Variants in KIR2DL3 observed in about 807,000 individuals in gnomAD.
The protein encoded by KIR2DL3 is killer cell immunoglobulin-like receptor 2DL3.
A neutral mutation model predicts 33.8 loss-of-function variants in KIR2DL3; 39 were observed. The observed-to-expected ratio is 1.15, with a 90% CI of 0.89 to 1.51. KIR2DL3 has a LOEUF of 1.51. KIR2DL3 is among the 40% of genes most tolerant of loss of function. The pLI, the probability that KIR2DL3 is intolerant of heterozygous loss-of-function variation, is 0.00. For missense variants in KIR2DL3, 462 were observed against 426.2 expected (o/e 1.08, Z -0.74); for synonymous variants, 174 against 160.2 (o/e 1.09, Z -0.65).
rs180895613 is a variant in KIR2DL3, at chr19:54,747,001, C to T, written c.665-334C>T. Among the ~76,000 whole-genome samples, 136 of 142,264 alleles carry T rather than the reference C, an allele frequency of 9.6e-4. 7 individuals carry two copies. Among genetic ancestry groups the T allele is most frequent in the African/African-American group, 3.4e-3 (131 of 38,504 alleles). 93.3% of individuals were successfully genotyped at this position (142,264 alleles called of 152,430 possible). ...CATCTCAAAAGAAAAAAGAAAAAAA[C>T]ATTGGAGGTAAATGCATGGATTATA... is the stretch of plus-strand genomic sequence containing the variant. On this transcript the variant is annotated intron_variant, in intron 4 of 7. Transcript: ENST00000342376.
intron 6 of KIR2DL3, 106 bp downstream of exon 6, chr19:54,751,859 G>A: frequency 2.0e-6 from 2 of 1,008,522 alleles, no homozygotes; most frequent in South Asian, 1.6e-5. Flanking sequence ...CCTGGCCCAA[G>A]GCAGCAGCCA....
rs1721130912 is a variant in KIR2DL3 at position 54,742,100 on chromosome 19, G to T, written c.191G>T (p.Gly64Val). ...RFQHFLLHRE[G>V]KFKDTLHLIG... Reference sequence around the variant, plus strand: ...CAGCACTTCCTTCTGCACAGAGAAGGGAAGTTTAAGGACACTTTGCACCTC... The same window carrying T: ...CAGCACTTCCTTCTGCACAGAGAAGTGAAGTTTAAGGACACTTTGCACCTC... Residue 64 changes from glycine (G) to valine (V), a missense_variant, in exon 3 of 8, where the codon GGG becomes GTG. Physicochemically the swap from Gly to Val is moderately radical, Grantham distance 109. Coordinates refer to ENST00000342376, the MANE Select transcript of KIR2DL3 (RefSeq NM_015868.3). 1.9e-6 allele frequency: 3 copies of T among 1,613,786 alleles called. No individual in the cohort carries two copies. The highest frequency in any genetic ancestry group is 2.7e-5 in the African/African-American group (2 of 74,916).
intron 4 of KIR2DL3, among the ~76,000 whole-genome samples, chr19:54,744,895 T>TATATATATATATATATATATATAC (rs2072064904): frequency 1.5e-5 from 1 of 64,604 alleles, no homozygotes; most frequent in Non-Finnish European, 3.3e-5. Context: ...TATATATATA[T>TATATATATATATATATATATATAC]ATACACACAC....
At chr19:54,748,098 A>G (rs1555913164) in intron 5 of KIR2DL3, among the ~76,000 whole-genome samples, 42,137 of 140,064 alleles carry the variant, frequency 0.3, 6,599 homozygotes, top group South Asian at 0.36. Flanking sequence ...CTTCTCACTT[A>G]TCCCAGCTTC....
At chr19:54,745,714 C>G (rs374494311) in intron 4 of KIR2DL3, among the ~76,000 whole-genome samples, 11 of 151,716 alleles carry the variant, frequency 7.3e-5, no homozygotes, top group Non-Finnish European at 8.8e-5. Flanking sequence ...AAAGGCTGTA[C>G]TAATTTACAC....
rs775051443 is a variant in KIR2DL3, at chr19:54,747,396, A to G, written c.715+11A>G. The stretch of plus-strand genomic sequence containing the variant: ...CAAGCTCCGAAACCGGTGAGTACAG[A>G]ACCCTCTTATATCCGCTTTTGGAAA... On this transcript the variant is annotated intron_variant, in intron 5 of 7. Coordinates refer to ENST00000342376, the MANE Select transcript of KIR2DL3 (RefSeq NM_015868.3). The G allele has an allele frequency of 5.8e-5, 93 of 1,610,026 alleles. No homozygotes were observed. The highest frequency in any genetic ancestry group is 6.6e-5 in the Non-Finnish European group (78 of 1,176,630).
intron 3 of KIR2DL3, 53 bp downstream of exon 3, chr19:54,742,332 A>T (rs2071328721): frequency 2.5e-6 from 4 of 1,598,304 alleles, no homozygotes; most frequent in Non-Finnish European, 3.4e-6. Flanking sequence ...TGAATGATCC[A>T]CGACTTGGAA....
chr19:54,744,417 T>C (rs977116876), intron 4 of KIR2DL3, among the ~76,000 whole-genome samples: 4 of 152,218 alleles, frequency 2.6e-5, no homozygotes, highest in Non-Finnish European at 2.9e-5. Flanking sequence ...AAGCCCATCC[T>C]GGCCTCTCAC....
chr19:54,738,539 C>G lies in KIR2DL3; in HGVS notation c.-7C>G. On this transcript the variant is annotated 5_prime_UTR_variant, in exon 1 of 8. Coordinates refer to ENST00000342376, the MANE Select transcript of KIR2DL3 (RefSeq NM_015868.3). Reference sequence around the variant, plus strand: ...GGGCGCGGCCGCCTGTCTGCACAGACAGCACCATGTCGCTCATGGTCGTCA... The same window carrying G: ...GGGCGCGGCCGCCTGTCTGCACAGAGAGCACCATGTCGCTCATGGTCGTCA... 2.5e-6 allele frequency: 4 copies of G among 1,614,196 alleles called. No individual in the cohort carries two copies. Among genetic ancestry groups the G allele is most frequent in the Middle Eastern group, 3.3e-4 (2 of 6,062 alleles).
At chr19:54,740,452 A>AC (rs1305309753) in intron 2 of KIR2DL3, among the ~76,000 whole-genome samples, 1 of 137,324 alleles carries the variant, frequency 7.3e-6, no homozygotes, top group Non-Finnish European at 1.6e-5. Flanking sequence ...GGGCCCTGTG[A>AC]CCCCCGCACA....
At chr19:54,747,440 T>A (rs1440723865) in intron 5 of KIR2DL3, 55 bp downstream of exon 5, 7 of 1,575,606 alleles carry the variant, frequency 4.4e-6, no homozygotes, top group Admixed American at 3.3e-5. Flanking sequence ...GGTAGAAACC[T>A]TCGATGCAGG....
Position 54,752,822 on chromosome 19 carries a change from T to C in KIR2DL3, c.*303T>C. The C allele has an allele frequency of 2.0e-6, 1 of 494,890 alleles. No homozygotes were observed. Among genetic ancestry groups the C allele is most frequent in the East Asian group, 3.1e-5 (1 of 31,818 alleles). 30.7% of individuals were successfully genotyped at this position (494,890 alleles called of 1,614,324 possible). ...GCCCACCTCTCCAACCTAACTGGCTTACTTCCTAGTCTACTTGAGGCTGCA... is the reference window on the plus strand; with the variant it reads ...GCCCACCTCTCCAACCTAACTGGCTCACTTCCTAGTCTACTTGAGGCTGCA... On this transcript the variant is annotated 3_prime_UTR_variant, in exon 8 of 8. Coordinates refer to ENST00000342376, the MANE Select transcript of KIR2DL3 (RefSeq NM_015868.3).
intron 3 of KIR2DL3, among the ~76,000 whole-genome samples, chr19:54,742,519 GAGAC>G (rs1243647930): frequency 6.6e-6 from 1 of 152,072 alleles, no homozygotes; most frequent in South Asian, 2.1e-4. Flanking sequence ...AGAGTTAAAA[GAGAC>G]AGACAGACAG....
intron 5 of KIR2DL3, 97 bp downstream of exon 5, chr19:54,747,482 G>C: frequency 4.8e-6 from 7 of 1,459,248 alleles, no homozygotes; most frequent in South Asian, 2.3e-5. Context: ...CTCTGACATT[G>C]TACGCCTGTC....
intron 5 of KIR2DL3, among the ~76,000 whole-genome samples, chr19:54,749,078 G>A (rs1377622257): frequency 1.3e-4 from 20 of 152,178 alleles, no homozygotes; most frequent in South Asian, 2.1e-4. Context: ...GCTGTCAGCC[G>A]TGAAGGCACA....
intron 3 of KIR2DL3, among the ~76,000 whole-genome samples, chr19:54,742,932 T>A (rs2071455949): frequency 1.3e-5 from 2 of 150,976 alleles, no homozygotes; most frequent in Admixed American, 6.6e-5. Context: ...ACACAGAGAA[T>A]GAGCCAGAGG....
chr19:54,751,596 A>T lies in KIR2DL3; in HGVS notation c.716-53A>T, dbSNP rs1488627854. 2 of 1,332,790 alleles carry T rather than the reference A, an allele frequency of 1.5e-6. 1 individual carries two copies. The highest frequency in any genetic ancestry group is 3.2e-5 in the African/African-American group (2 of 62,088). 82.6% of individuals were successfully genotyped at this position (1,332,790 alleles called of 1,614,324 possible). On this transcript the variant is annotated intron_variant, in intron 5 of 7. Transcript: ENST00000342376. ...TCAATCAAGAAATGTGAGACAATTC[A>T]TAAAGAGGAACTGCTATGATTAGCT...
Position 54,742,381 on chromosome 19 carries a change from T to C in KIR2DL3, c.370+102T>C, listed in dbSNP as rs2147040251. The C allele has an allele frequency of 2.0e-6, 3 of 1,501,854 alleles. No homozygotes were observed. The South Asian group carries it at 3.4e-5, about 17-fold the overall frequency. The allele number at this position is 1,501,854 out of a possible 1,614,324, so 93.0% of individuals were successfully genotyped here. A position where few individuals can be genotyped will look rare whatever the true frequency, so the allele number is the denominator to read the frequency against. On this transcript the variant is annotated intron_variant, in intron 3 of 7. Coordinates refer to ENST00000342376, the MANE Select transcript of KIR2DL3 (RefSeq NM_015868.3). ...GTAAGGAAGATGAGCTTGGTATTCT[T>C]ATGGAGAGAGACTGACTTGCTGAGG...
At chr19:54,739,358 C>T (rs540578919) in intron 1 of KIR2DL3, 149 bp from the exon 2 acceptor site, 4 of 1,345,200 alleles carry the variant, frequency 3.0e-6, no homozygotes, top group African/African-American at 1.5e-5. Context: ...CAGCCGACAG[C>T]CCTGTTCTTG....
Sources: gnomAD v4.1 joint callset for allele counts (sites outside exome capture counted in the v4.1 genomes callset) on GRCh38, gnomAD v4.1.1 for gene constraint, MANE v1.5 for transcripts, NCBI Gene and HGNC (gene_info 2026-07-23, HGNC 2026-07-21) for gene names.